The following IL10RA variants were observed in gnomAD, a reference collection of about 807,000 sequenced individuals.
IL10RA encodes interleukin 10 receptor subunit alpha.
IL10RA carries 18 observed loss-of-function variants against 29.6 expected under a neutral mutation model. The observed-to-expected ratio is 0.61, with a 90% CI of 0.42 to 0.90. The LOEUF (loss-of-function observed/expected upper bound fraction) is 0.90. Ranked by LOEUF, IL10RA falls within the 40% of genes least tolerant of loss-of-function variation. The probability of loss-of-function intolerance (pLI) is 0.00; values close to 1 mark genes in which losing one functional copy is unlikely to be tolerated. For missense variants in IL10RA, 634 were observed against 716.6 expected (o/e 0.88, Z 1.32); for synonymous variants, 292 against 294.1 (o/e 0.99, Z 0.07).
intron 3 of IL10RA, among the ~76,000 whole-genome samples, chr11:117,992,382 G>A (rs563602458): frequency 6.6e-6 from 1 of 152,278 alleles, no homozygotes; most frequent in East Asian, 1.9e-4. Flanking sequence ...TTGGATAATA[G>A]CCAATCTAAC....
intron 3 of IL10RA, among the ~76,000 whole-genome samples, chr11:117,991,129 C>T (rs4252257): frequency 0.039 from 5,852 of 151,984 alleles, 277 homozygotes; most frequent in African/African-American, 0.12. Flanking sequence ...ACTCAGGAGG[C>T]AGAGGTTGCA....
chr11:117,994,291 A>T (rs1028734044), intron 5 of IL10RA, 142 bp downstream of exon 5: 1 of 679,446 alleles, frequency 1.5e-6, no homozygotes, highest in Non-Finnish European at 2.5e-6. Context: ...AATAGGAGAG[A>T]GGTCCTACTG....
Position 117,989,475 on chromosome 11 carries a change from C to CTGTA in IL10RA, c.223_226dup (p.Ser76MetfsTer2). 6.2e-7 allele frequency: 1 copy of CTGTA among 1,614,222 alleles called. No homozygotes were observed. The highest frequency in any genetic ancestry group is 8.5e-7 in the Non-Finnish European group (1 of 1,180,030). On this transcript the variant is annotated frameshift_variant, in exon 3 of 7. Transcript: ENST00000227752. LOFTEE classifies it high-confidence loss of function. The surrounding 1 kb of genome is among the most constrained non-coding windows in gnomAD (Gnocchi z 4.5). ...TAGAGTCCTGGAACTCCATCTCCAA[C>CTGTA]TGTAGCCAGACCCTGTCCTATGACC...
At chr11:117,991,955 G>A (rs2058025327) in intron 3 of IL10RA, among the ~76,000 whole-genome samples, 1 of 152,020 alleles carries the variant, frequency 6.6e-6, no homozygotes, top group Non-Finnish European at 1.5e-5. Flanking sequence ...GGCTGGTCTC[G>A]GACTCCTGAC....
rs1442640530 is a variant in IL10RA, at chr11:118,001,254, C to T, written c.*1613C>T. ...GAAAGAATTCTGGATATCTCAGGAG[C>T]CCCGAAATTCTAGCTCTGACTTTGC... On this transcript the variant is annotated 3_prime_UTR_variant, in exon 7 of 7. Coordinates refer to ENST00000227752, the MANE Select transcript of IL10RA (RefSeq NM_001558.4). 2.2e-6 allele frequency: 1 copy of T among 453,978 alleles called. No homozygotes were observed. Among genetic ancestry groups the T allele is most frequent in the Non-Finnish European group, 4.4e-6 (1 of 226,800 alleles). The allele number at this position is 453,978 out of a possible 1,614,324, so 28.1% of individuals were successfully genotyped here. A position where few individuals can be genotyped will look rare whatever the true frequency, so the allele number is the denominator to read the frequency against.
intron 6 of IL10RA, among the ~76,000 whole-genome samples, chr11:117,997,980 G>A (rs2058066632): frequency 6.6e-6 from 1 of 152,168 alleles, no homozygotes; most frequent in Non-Finnish European, 1.5e-5. Flanking sequence ...CACGGTGCTT[G>A]ATGTGTTCTG....
downstream of IL10RA, chr11:118,001,523 C>G (rs759715303): frequency 1.3e-5 from 5 of 380,802 alleles, no homozygotes; most frequent in Non-Finnish European, 2.6e-5. Context: ...CACATTGGCT[C>G]ATGGAGGACT....
Position 117,999,966 on chromosome 11 carries a change from C to T in IL10RA, c.*325C>T, listed in dbSNP as rs1456694006. ...CCTGTATCATAAAGGATTATTTGCTCAGGGGAACCATGGGGCTTTCTGGAG... is the reference window on the plus strand; with the variant it reads ...CCTGTATCATAAAGGATTATTTGCTTAGGGGAACCATGGGGCTTTCTGGAG... On this transcript the variant is annotated 3_prime_UTR_variant, in exon 7 of 7. Transcript: ENST00000227752. 2 of 508,752 alleles carry T rather than the reference C, an allele frequency of 3.9e-6. No individual in the cohort carries two copies. Among genetic ancestry groups the T allele is most frequent in the South Asian group, 1.5e-5 (1 of 64,986 alleles). 31.5% of individuals were successfully genotyped at this position (508,752 alleles called of 1,614,324 possible).
chr11:117,998,578 C>T, intron 6 of IL10RA, 137 bp from the exon 7 acceptor site: 1 of 774,188 alleles, frequency 1.3e-6, no homozygotes, highest in East Asian at 2.7e-5. Flanking sequence ...GAAAACAAAA[C>T]AGAATACATT....
At chr11:117,994,176 T>G (rs1349845693) in intron 5 of IL10RA, 27 bp downstream of exon 5, 1 of 1,610,516 alleles carries the variant, frequency 6.2e-7, no homozygotes, top group Middle Eastern at 1.8e-4. Flanking sequence ...GCTCTCAGCA[T>G]GGGGAGGGAG....
At position 118,001,364 on chromosome 11, in the gene IL10RA, C is replaced by T; in HGVS notation, c.*1723C>T. On this transcript the variant is annotated 3_prime_UTR_variant, in exon 7 of 7. Transcript: ENST00000227752. ...ATCTGCAGAATAATGACTGACTTGT[C>T]TAATTCGTAGGGATGTGAGGTTCTG... 2.2e-6 allele frequency: 1 copy of T among 454,184 alleles called. No homozygotes were observed. The highest frequency in any genetic ancestry group is 4.4e-6 in the Non-Finnish European group (1 of 226,794). 28.1% of individuals were successfully genotyped at this position (454,184 alleles called of 1,614,324 possible).
chr11:118,001,139 AG>A lies in IL10RA; in HGVS notation c.*1500del, dbSNP rs950991086. 4.4e-6 allele frequency: 2 copies of A among 454,120 alleles called. No homozygotes were observed. Among genetic ancestry groups the A allele is most frequent in the Non-Finnish European group, 8.8e-6 (2 of 226,786 alleles). The allele number at this position is 454,120 out of a possible 1,614,324, so 28.1% of individuals were successfully genotyped here. ...TGGTAACTGAACTCCCTCTGGAGGC[AG>A]GCTTGAGGGAGGATTCCTCAGGGTT... On this transcript the variant is annotated 3_prime_UTR_variant, in exon 7 of 7. Coordinates refer to ENST00000227752, the MANE Select transcript of IL10RA (RefSeq NM_001558.4).
At chr11:117,997,677 C>T (rs1318897426) in intron 6 of IL10RA, among the ~76,000 whole-genome samples, 1 of 152,164 alleles carries the variant, frequency 6.6e-6, no homozygotes, top group Non-Finnish European at 1.5e-5. Flanking sequence ...CTAGACAGTT[C>T]CTGCCCTCAA....
intron 5 of IL10RA, 143 bp downstream of exon 5, chr11:117,994,292 G>A (rs2058042583): frequency 3.0e-6 from 2 of 671,976 alleles, no homozygotes; most frequent in South Asian, 1.9e-5. Context: ...ATAGGAGAGA[G>A]GTCCTACTGT....
chr11:117,992,985 G>A (rs2058033201), intron 3 of IL10RA: 1 of 508,054 alleles, frequency 2.0e-6, no homozygotes, highest in East Asian at 3.5e-5. Context: ...CCCCTTTGTT[G>A]AAAATCAATT....
intron 2 of IL10RA, 57 bp downstream of exon 2, chr11:117,988,559 A>G (rs981426690): frequency 1.2e-6 from 2 of 1,600,322 alleles, no homozygotes; most frequent in Non-Finnish European, 1.7e-6. Flanking sequence ...CTTGTCCTCT[A>G]CTCTCCTAGC....
downstream of IL10RA, chr11:118,002,474 T>C (rs180985032): frequency 6.6e-6 from 1 of 152,256 alleles, no homozygotes; most frequent in Non-Finnish European, 1.5e-5. Flanking sequence ...AGAAAAGTAG[T>C]GTTGGTCACT....
At chr11:117,988,281 G>T in intron 1 of IL10RA, 101 bp from the exon 2 acceptor site, 1 of 1,498,838 alleles carries the variant, frequency 6.7e-7, no homozygotes, top group South Asian at 1.1e-5. Context: ...GGCCTCGGGC[G>T]AGTCATAGCC....
rs1340246222 is a variant in IL10RA, at chr11:118,001,368, T to C, written c.*1727T>C. 4.4e-6 allele frequency: 2 copies of C among 454,230 alleles called. No homozygotes were observed. The highest frequency in any genetic ancestry group is 2.0e-5 in the African/African-American group (1 of 50,106). The allele number at this position is 454,230 out of a possible 1,614,324, so 28.1% of individuals were successfully genotyped here. A position where few individuals can be genotyped will look rare whatever the true frequency, so the allele number is the denominator to read the frequency against. On this transcript the variant is annotated 3_prime_UTR_variant, in exon 7 of 7. Transcript: ENST00000227752. ...GCAGAATAATGACTGACTTGTCTAA[T>C]TCGTAGGGATGTGAGGTTCTGCTGA...
Sources: gnomAD v4.1 joint callset for allele counts (sites outside exome capture counted in the v4.1 genomes callset) on GRCh38, gnomAD v4.1.1 for gene constraint, Gnocchi (gnomAD v3.1) non-coding constraint, MANE v1.5 for transcripts, NCBI Gene and HGNC (gene_info 2026-07-23, HGNC 2026-07-21) for gene names.